Variants in ZC3H14 observed in about 807,000 individuals in gnomAD.
ZC3H14 encodes the protein zinc finger CCCH-type containing 14, also known as zinc finger CCCH domain-containing protein 14.
Under a neutral mutation model 92.4 loss-of-function variants are expected in ZC3H14, and 31 were observed. The observed-to-expected ratio is 0.34, with a 90% CI of 0.25 to 0.45. The LOEUF is 0.45. ZC3H14 is among the 20% of genes least tolerant of loss of function. The probability of loss-of-function intolerance (pLI) is 1.00; values close to 1 mark genes in which losing one functional copy is unlikely to be tolerated. For synonymous variants in ZC3H14, 321 were observed against 300.9 expected (o/e 1.07, Z -0.69); for missense variants, 781 against 897.3 (o/e 0.87, Z 1.66).
rs1485779289 is a variant in ZC3H14, at chr14:88,627,185, A to G, written c.*15434A>G. 1 of 728,132 alleles carries G rather than the reference A, an allele frequency of 1.4e-6. No individual in the cohort carries two copies. The highest frequency in any genetic ancestry group is 1.8e-5 in the African/African-American group (1 of 56,532). 45.1% of individuals were successfully genotyped at this position (728,132 alleles called of 1,614,324 possible). A position where few individuals can be genotyped will look rare whatever the true frequency, so the allele number is the denominator to read the frequency against. ...AATGGCCCCTGCTCTACTACCTAGC[A>G]ATACATGATTTACAATTATTTGTGT... On this transcript the variant is annotated 3_prime_UTR_variant, in exon 17 of 17. Coordinates refer to ENST00000251038, the MANE Select transcript of ZC3H14 (RefSeq NM_024824.5).
In ZC3H14 at chr14:88,626,999, C is replaced by T; in HGVS notation, c.*15248C>T. 1 of 1,613,834 alleles carries T rather than the reference C, an allele frequency of 6.2e-7. No homozygotes were observed. On this transcript the variant is annotated 3_prime_UTR_variant, in exon 17 of 17. Coordinates refer to ENST00000251038, the MANE Select transcript of ZC3H14 (RefSeq NM_024824.5). ...GTATCTGAATCTGGTCGGAATTCTG[C>T]CACAAAAATACGTTGATTGTGACCA...
intron 9 of ZC3H14, chr14:88,592,086 A>G (rs2139918390): frequency 6.6e-6 from 1 of 152,338 alleles, no homozygotes; most frequent in East Asian, 1.9e-4. Context: ...TTTCTATTCT[A>G]AAGTTGGGCT....
chr14:88,625,068 T>TATGTAGAA lies in ZC3H14; in HGVS notation c.*13321_*13322insAGAAATGT. On this transcript the variant is annotated 3_prime_UTR_variant, in exon 17 of 17. Coordinates refer to ENST00000251038, the MANE Select transcript of ZC3H14 (RefSeq NM_024824.5). ...GAGCTCTCGCCACGATTCTACACAA[T>TATGTAGAA]ATGTGATCTTTCCACACACAGACAT... 6.2e-7 allele frequency: 1 copy of TATGTAGAA among 1,613,858 alleles called. No individual in the cohort carries two copies. The highest frequency in any genetic ancestry group is 8.5e-7 in the Non-Finnish European group (1 of 1,179,832).
At position 88,567,177 on chromosome 14, in the gene ZC3H14, A is replaced by G. The variant is rs540707550; in HGVS notation, c.80-862A>G. Among the ~76,000 whole-genome samples the G allele has an allele frequency of 7.0e-3, 1,043 of 149,244 alleles. 13 individuals carry two copies. Among genetic ancestry groups the G allele is most frequent in the African/African-American group, 0.024 (963 of 40,666 alleles). On this transcript the variant is annotated intron_variant, in intron 2 of 16. Coordinates refer to ENST00000251038, the MANE Select transcript of ZC3H14 (RefSeq NM_024824.5). ...GTTGCCCAGGCTGGAGTGCAGTGGC[A>G]GGATCTGAGCGCACTGCAAGCTCCG... is the stretch of plus-strand genomic sequence containing the variant.
intron 9 of ZC3H14, among the ~76,000 whole-genome samples, chr14:88,585,975 C>A (rs1044832645): frequency 1.3e-5 from 2 of 152,136 alleles, no homozygotes; most frequent in East Asian, 3.9e-4. Flanking sequence ...TCGAGACCAG[C>A]CTGACCATAT....
chr14:88,603,009 T>G lies in ZC3H14; in HGVS notation c.1696T>G (p.Leu566Val). Reference protein sequence around the residue: ...GLRGLLHPQQLHLLSRQLEDP... With the variant: ...GLRGLLHPQQVHLLSRQLEDP... Reference sequence around the variant, plus strand: ...CAGAGGTCTCCTCCACCCACAGCAGTTGCACTTGCTGAGCAGGCAGCTTGA... The same window carrying G: ...CAGAGGTCTCCTCCACCCACAGCAGGTGCACTTGCTGAGCAGGCAGCTTGA... Residue 566 changes from leucine to valine, a missense_variant, in exon 12 of 17, where the codon TTG becomes GTG. Leu to Val is a conservative substitution (Grantham distance 32). Coordinates refer to ENST00000251038, the MANE Select transcript of ZC3H14 (RefSeq NM_024824.5). The G allele has an allele frequency of 6.2e-7, 1 of 1,614,194 alleles. No individual in the cohort carries two copies.
rs976735096 is a variant in ZC3H14 at position 88,612,899 on chromosome 14, C to T, written c.*1148C>T. ...TGGTGTATAGTGTTAAAAATTAAAG[C>T]TTAAAAGGTGGTTAGAAAAGTGGAT... On this transcript the variant is annotated 3_prime_UTR_variant, in exon 17 of 17. Transcript: ENST00000251038. 2.0e-5 allele frequency: 3 copies of T among 151,340 alleles called. No homozygotes were observed. The highest frequency in any genetic ancestry group is 7.3e-5 in the African/African-American group (3 of 41,014). 9.4% of individuals were successfully genotyped at this position (151,340 alleles called of 1,614,324 possible). A position where few individuals can be genotyped will look rare whatever the true frequency, so the allele number is the denominator to read the frequency against.
At chr14:88,577,940 T>C in intron 8 of ZC3H14, 45 bp from the exon 9 acceptor site, 1 of 1,611,104 alleles carries the variant, frequency 6.2e-7, no homozygotes, top group Non-Finnish European at 8.5e-7. Context: ...AGTTTTGACG[T>C]ATTACTGCAT....
intron 9 of ZC3H14, among the ~76,000 whole-genome samples, chr14:88,584,818 C>T (rs915907819): frequency 4.4e-4 from 67 of 152,148 alleles, no homozygotes; most frequent in African/African-American, 1.5e-3. Context: ...TGGACATGCT[C>T]CCAAGAAGTA....
Position 88,626,976 on chromosome 14 carries a change from A to G in ZC3H14, c.*15225A>G. On this transcript the variant is annotated 3_prime_UTR_variant, in exon 17 of 17. Transcript: ENST00000251038. ...TTACTCCCACTGAGACAAACTGGGTATCTGAATCTGGTCGGAATTCTGCCA... is the reference window on the plus strand; with the variant it reads ...TTACTCCCACTGAGACAAACTGGGTGTCTGAATCTGGTCGGAATTCTGCCA... The G allele has an allele frequency of 6.2e-7, 1 of 1,613,968 alleles. No homozygotes were observed. The highest frequency in any genetic ancestry group is 1.1e-5 in the South Asian group (1 of 91,080).
rs1179581228 is a variant in ZC3H14, at chr14:88,563,055, G to C, written c.-79G>C. 3.3e-6 allele frequency: 5 copies of C among 1,530,276 alleles called. No individual in the cohort carries two copies. The highest frequency in any genetic ancestry group is 4.4e-6 in the Non-Finnish European group (5 of 1,143,416). The allele number at this position is 1,530,276 out of a possible 1,614,324, so 94.8% of individuals were successfully genotyped here. A position where few individuals can be genotyped will look rare whatever the true frequency, so the allele number is the denominator to read the frequency against. ...CGGAGGAGGAGGCGGTGGTGTCCCG[G>C]CTGCGGGGTAGGAGTCCGCGGCAGC... On this transcript the variant is annotated 5_prime_UTR_variant, in exon 1 of 17. Transcript: ENST00000251038.
Position 88,607,352 on chromosome 14 carries a change from C to T in ZC3H14, c.1857C>T (p.Ile619=), listed in dbSNP as rs2140115363. The change falls in exon 13 of 17, where the codon ATC becomes ATT. Residue 619 remains isoleucine (I), a synonymous_variant. Transcript: ENST00000251038. ...ATGAGTGTGCCTACCATCACCCCAT[C>T]TCACCCTGCAAGTGAGTACCATCCC... is the stretch of plus-strand genomic sequence containing the variant. The part of the protein sequence containing the change: ...NGDECAYHHP[I]SPCKAFPNCK... 1 of 1,610,194 alleles carries T rather than the reference C, an allele frequency of 6.2e-7. No individual in the cohort carries two copies. Among genetic ancestry groups the T allele is most frequent in the South Asian group, 1.1e-5 (1 of 91,006 alleles).
chr14:88,616,571 C>T lies in ZC3H14; in HGVS notation c.*4820C>T. On this transcript the variant is annotated 3_prime_UTR_variant, in exon 17 of 17. Transcript: ENST00000251038. ...ATTACTCGAGGGAGAGGATTTGTTT[C>T]TAATAGCTTTTATTTCAAAGTAAAT... The T allele has an allele frequency of 1.3e-6, 1 of 771,618 alleles. No individual in the cohort carries two copies. The highest frequency in any genetic ancestry group is 2.0e-6 in the Non-Finnish European group (1 of 497,196). 47.8% of individuals were successfully genotyped at this position (771,618 alleles called of 1,614,324 possible). A position where few individuals can be genotyped will look rare whatever the true frequency, so the allele number is the denominator to read the frequency against.
intron 1 of ZC3H14, 71 bp from the exon 2 acceptor site, chr14:88,563,580 C>G: frequency 1.9e-6 from 3 of 1,596,940 alleles, no homozygotes; most frequent in Non-Finnish European, 2.6e-6. Context: ...GTGGCCTCAG[C>G]CGCTGCAGAG....
Position 88,572,947 on chromosome 14 carries a change from C to T in ZC3H14, c.801C>T (p.Asn267=). The change falls in exon 6 of 17, where the codon AAC becomes AAT. Residue 267 remains asparagine (N), a synonymous_variant. Transcript: ENST00000251038. ...TGRLCEPEVL[N]SLEETYSPFF... ...GTTTGTGTGAACCAGAGGTGCTTAACAGCTTAGAAGAAACGTATAGTCCGT... is the reference window on the plus strand; with the variant it reads ...GTTTGTGTGAACCAGAGGTGCTTAATAGCTTAGAAGAAACGTATAGTCCGT... 3.1e-6 allele frequency: 5 copies of T among 1,614,122 alleles called. No individual in the cohort carries two copies. The highest frequency in any genetic ancestry group is 3.4e-6 in the Non-Finnish European group (4 of 1,180,036).
In ZC3H14 at chr14:88,619,532, A is replaced by C. The variant is rs2088470788; in HGVS notation, c.*7781A>C. The C allele has an allele frequency of 6.6e-6, 1 of 152,214 alleles. No homozygotes were observed. The highest frequency in any genetic ancestry group is 2.4e-5 in the African/African-American group (1 of 41,440). 9.4% of individuals were successfully genotyped at this position (152,214 alleles called of 1,614,324 possible). A position where few individuals can be genotyped will look rare whatever the true frequency, so the allele number is the denominator to read the frequency against. On this transcript the variant is annotated 3_prime_UTR_variant, in exon 17 of 17. Transcript: ENST00000251038. Reference sequence around the variant, plus strand: ...AACATCTCAGCTTTTAAAAGCCATTAGCATTACATAATTAATAAGCTAACA... The same window carrying C: ...AACATCTCAGCTTTTAAAAGCCATTCGCATTACATAATTAATAAGCTAACA...
At chr14:88,563,318 C>G in intron 1 of ZC3H14, 149 bp downstream of exon 1, 1 of 1,514,666 alleles carries the variant, frequency 6.6e-7, no homozygotes, top group Non-Finnish European at 8.8e-7. Flanking sequence ...TCGTCCAGGC[C>G]GCCTCGGCCC....
At position 88,626,359 on chromosome 14, in the gene ZC3H14, T is replaced by C. The variant is rs61984736; in HGVS notation, c.*14608T>C. ...TCAGAATCCTTATTATGGTGGCTCA[T>C]GCCTGTAAACCCAGCACTTTGGGAG... On this transcript the variant is annotated 3_prime_UTR_variant, in exon 17 of 17. Coordinates refer to ENST00000251038, the MANE Select transcript of ZC3H14 (RefSeq NM_024824.5). 30,119 of 155,926 alleles carry C rather than the reference T, an allele frequency of 0.19. 3,646 individuals are homozygous for C. Among genetic ancestry groups the C allele is most frequent in the East Asian group, 0.37 (1,960 of 5,248 alleles). 9.7% of individuals were successfully genotyped at this position (155,926 alleles called of 1,614,324 possible). A position where few individuals can be genotyped will look rare whatever the true frequency, so the allele number is the denominator to read the frequency against.
chr14:88,585,462 C>T (rs374687884), intron 9 of ZC3H14, among the ~76,000 whole-genome samples: 3 of 151,602 alleles, frequency 2.0e-5, no homozygotes, highest in Admixed American at 6.6e-5. Flanking sequence ...CCGCAACCTC[C>T]GACTCCTTGG....
Sources: allele counts gnomAD v4.1 joint callset (sites outside exome capture counted in the v4.1 genomes callset), GRCh38; gene constraint gnomAD v4.1.1; transcripts MANE v1.5; gene names NCBI Gene and HGNC (gene_info 2026-07-23, HGNC 2026-07-21).